RHEX: variants seen among roughly 807,000 people sequenced by gnomAD.
The protein encoded by RHEX is regulator of hemoglobinization and erythroid cell expansion protein.
Under a neutral mutation model 20.1 loss-of-function variants are expected in RHEX, and 18 were observed. The observed-to-expected ratio is 0.90, with a 90% confidence interval of 0.62 to 1.33. RHEX has a LOEUF of 1.33. Among genes scored for constraint, RHEX ranks in the 40% most tolerant of loss-of-function variants. The pLI is 0.00. For missense variants in RHEX, 192 were observed against 214.3 expected (o/e 0.90, Z 0.65); for synonymous variants, 87 against 77.1 (o/e 1.13, Z -0.67).
chr1:206,081,567 T>G (rs565412856), intron 1 of RHEX, among the ~76,000 whole-genome samples: 7 of 152,354 alleles, frequency 4.6e-5, no homozygotes, highest in Admixed American at 4.6e-4. Context: ...AGCATATTGC[T>G]GCAACGCAGT....
At chr1:206,064,245 C>T (rs1380005913) in intron 1 of RHEX, among the ~76,000 whole-genome samples, 40 of 148,540 alleles carry the variant, frequency 2.7e-4, no homozygotes, top group Admixed American at 9.2e-4. Context: ...GCAGCCACCC[C>T]GTCCGGGAGG....
In RHEX at chr1:206,101,299, A is replaced by T. The variant is rs1284723682; in HGVS notation, c.318+102A>T. 3.2e-6 allele frequency: 3 copies of T among 924,964 alleles called. No individual in the cohort carries two copies. In the Admixed American group the frequency reaches 6.8e-5, roughly 21 times the overall value. The allele number at this position is 924,964 out of a possible 1,614,324, so 57.3% of individuals were successfully genotyped here. ...GTTACCCCAGCTATGTAGTGGGAGC[A>T]AGAAAAGAGGGTTTCTTGAGTCATC... On this transcript the variant is annotated intron_variant, in intron 5 of 5. Coordinates refer to ENST00000331555, the MANE Select transcript of RHEX (RefSeq NM_001007544.4).
At chr1:206,054,228 AT>A (rs1662139083) in intron 1 of RHEX, among the ~76,000 whole-genome samples, 1 of 152,194 alleles carries the variant, frequency 6.6e-6, no homozygotes, top group African/African-American at 2.4e-5. Context: ...AAGAAAAAAA[AT>A]GTTTGTAATA....
chr1:206,088,327 T>G (rs1189715576), intron 1 of RHEX, among the ~76,000 whole-genome samples: 1 of 152,206 alleles, frequency 6.6e-6, no homozygotes, highest in Non-Finnish European at 1.5e-5. Flanking sequence ...CATCCTAAAC[T>G]TATTTTCTAT....
rs901229011 is a variant in RHEX at position 206,067,300 on chromosome 1, C to T, written c.-97+14035C>T. ...CACAGGGGACTCCAGAACGTGATTC[C>T]CGGTCTCTCCACCTTAATCCTGTCA... On this transcript the variant is annotated intron_variant, in intron 1 of 5. Coordinates refer to ENST00000331555, the MANE Select transcript of RHEX (RefSeq NM_001007544.4). The surrounding 1 kb of genome is among the most constrained non-coding windows in gnomAD (Gnocchi z 4.6). Among the ~76,000 whole-genome samples the T allele has an allele frequency of 1.3e-5, 2 of 152,106 alleles. No homozygotes were observed. Among genetic ancestry groups the T allele is most frequent in the Non-Finnish European group, 2.9e-5 (2 of 68,014 alleles).
rs558608077 is a variant in RHEX at position 206,095,755 on chromosome 1, G to A, written c.-96-1978G>A. ...CGCTTGAACCTGGGAGGTGGAGGTC[G>A]CAGTGAGCCGAGATCGTGTCATTGT... On this transcript the variant is annotated intron_variant, in intron 1 of 5. Coordinates refer to ENST00000331555, the MANE Select transcript of RHEX (RefSeq NM_001007544.4). Among the ~76,000 whole-genome samples, 25 of 152,152 alleles carry A rather than the reference G, an allele frequency of 1.6e-4. No individual in the cohort carries two copies. In the East Asian group the frequency reaches 3.1e-3, roughly 19 times the overall value.
intron 1 of RHEX, among the ~76,000 whole-genome samples, chr1:206,073,221 C>G (rs1041989428): frequency 5.3e-5 from 8 of 152,130 alleles, no homozygotes; most frequent in Non-Finnish European, 8.8e-5. Flanking sequence ...GGGCTCTGTC[C>G]TGGCCCTTTG....
intron 1 of RHEX, among the ~76,000 whole-genome samples, chr1:206,081,398 G>A (rs1650743458): frequency 6.6e-6 from 1 of 152,192 alleles, no homozygotes; most frequent in Admixed American, 6.5e-5. Flanking sequence ...TGAGATTTTA[G>A]AGCAGAAAGG....
chr1:206,102,287 A>G lies in RHEX; in HGVS notation c.*335A>G, dbSNP rs1435797776. On this transcript the variant is annotated 3_prime_UTR_variant, in exon 6 of 6. Coordinates refer to ENST00000331555, the MANE Select transcript of RHEX (RefSeq NM_001007544.4). ...AACTATGGAGTCCATCAGCAGAGAT[A>G]GTAGTGAAGTCTCTCCCCAGGGAAA... 1 of 277,162 alleles carries G rather than the reference A, an allele frequency of 3.6e-6. No homozygotes were observed. Among genetic ancestry groups the G allele is most frequent in the African/African-American group, 2.2e-5 (1 of 46,152 alleles). The allele number at this position is 277,162 out of a possible 1,614,324, so 17.2% of individuals were successfully genotyped here. A position where few individuals can be genotyped will look rare whatever the true frequency, so the allele number is the denominator to read the frequency against.
At chr1:206,064,327 C>T (rs528647445) in intron 1 of RHEX, among the ~76,000 whole-genome samples, 4 of 141,944 alleles carry the variant, frequency 2.8e-5, no homozygotes, top group East Asian at 4.3e-4. Flanking sequence ...TCTGCCCGGC[C>T]GCCCCTACTG....
At chr1:206,086,115 A>C (rs1553286388) in intron 1 of RHEX, among the ~76,000 whole-genome samples, 1 of 152,120 alleles carries the variant, frequency 6.6e-6, no homozygotes, top group African/African-American at 2.4e-5. Context: ...TGAGTGACTC[A>C]TTGACAGTCA....
chr1:206,071,859 CAAAA>C (rs1245558004), intron 1 of RHEX, among the ~76,000 whole-genome samples: 2 of 47,314 alleles, frequency 4.2e-5, no homozygotes, highest in African/African-American at 7.4e-5. Flanking sequence ...TCCAACAACT[CAAAA>C]AAAAAAAAAA....
rs1024361668 is a variant in RHEX, at chr1:206,101,849, C to G, written c.416C>G (p.Thr139Arg). The change falls in exon 6 of 6, where the codon ACA (threonine) becomes AGA (arginine). Residue 139 changes from threonine (T) to arginine (R), a missense_variant. By Grantham distance (71) the Thr-to-Arg change is moderately conservative (BLOSUM62 -1). Transcript: ENST00000331555. ...PLDYENIKEI[T>R]DYVNVNPERH... ...GACTATGAGAACATAAAGGAAATCA[C>G]AGATTATGTCAATGTCAATCCAGAA... 6.2e-7 allele frequency: 1 copy of G among 1,613,840 alleles called. No homozygotes were observed. The highest frequency in any genetic ancestry group is 1.3e-5 in the African/African-American group (1 of 75,030).
At chr1:206,069,575 G>A (rs782095284) in intron 1 of RHEX, among the ~76,000 whole-genome samples, 11 of 152,210 alleles carry the variant, frequency 7.2e-5, no homozygotes, top group Non-Finnish European at 1.6e-4. Flanking sequence ...AGCATTGAAA[G>A]TTTCAGGTTC....
At chr1:206,098,763 T>C (rs1042662833) in intron 3 of RHEX, among the ~76,000 whole-genome samples, 10 of 152,314 alleles carry the variant, frequency 6.6e-5, no homozygotes, top group South Asian at 6.2e-4. Context: ...TGTTCATTCA[T>C]TCATTCAGCA....
intron 1 of RHEX, among the ~76,000 whole-genome samples, chr1:206,086,132 C>G (rs1385013494): frequency 4.6e-5 from 7 of 152,180 alleles, no homozygotes; most frequent in Admixed American, 6.5e-5. Flanking sequence ...GTCATAGGAA[C>G]AGGCATTGTT....
intron 1 of RHEX, among the ~76,000 whole-genome samples, chr1:206,066,862 A>G (rs1553284231): frequency 6.6e-6 from 1 of 152,238 alleles, no homozygotes; most frequent in East Asian, 1.9e-4. Context: ...AAAATGCAGT[A>G]AATTTAGGCT....
chr1:206,065,465 G>A (rs1553284083), intron 1 of RHEX, among the ~76,000 whole-genome samples: 1 of 152,198 alleles, frequency 6.6e-6, no homozygotes, highest in African/African-American at 2.4e-5. Context: ...GTTGAGGTCA[G>A]TCTGTGGATG....
chr1:206,064,047 C>G (rs1444389185), intron 1 of RHEX, among the ~76,000 whole-genome samples: 1 of 151,060 alleles, frequency 6.6e-6, no homozygotes, highest in Non-Finnish European at 1.5e-5. Flanking sequence ...CCCCGCCGCC[C>G]CGTCTGGGAT....
Sources: allele counts gnomAD v4.1 joint callset (sites outside exome capture counted in the v4.1 genomes callset), GRCh38; gene constraint gnomAD v4.1.1; non-coding constraint Gnocchi (gnomAD v3.1); transcripts MANE v1.5; gene names NCBI Gene and HGNC (gene_info 2026-07-23, HGNC 2026-07-21).